Variants in HOMER2 observed in about 807,000 individuals in gnomAD.
HOMER2 encodes the protein homer protein homolog 2.
HOMER2 carries 27 observed loss-of-function variants against 47.0 expected under a neutral mutation model. That is an observed-to-expected ratio of 0.57 (90% CI 0.42 to 0.79). The LOEUF (loss-of-function observed/expected upper bound fraction) is 0.79. Ranked by LOEUF, HOMER2 falls within the 30% of genes least tolerant of loss-of-function variation. The probability of loss-of-function intolerance (pLI) is 0.00; values close to 1 mark genes in which losing one functional copy is unlikely to be tolerated. For synonymous variants in HOMER2, 161 were observed against 163.8 expected (o/e 0.98, Z 0.13); for missense variants, 443 against 435.0 (o/e 1.02, Z -0.16).
intron 1 of HOMER2, among the ~76,000 whole-genome samples, chr15:82,938,544 C>G (rs537237430): frequency 6.6e-6 from 1 of 152,224 alleles, no homozygotes; most frequent in Non-Finnish European, 1.5e-5. Context: ...TCATCCTTCT[C>G]TAAGATATTC....
intron 3 of HOMER2, 26 bp from the exon 4 acceptor site, chr15:82,864,285 G>T (rs1279174126): frequency 3.3e-6 from 5 of 1,527,554 alleles, no homozygotes; most frequent in Admixed American, 1.7e-5. Context: ...AGTTATTAAG[G>T]CTTTTATTAA....
intron 1 of HOMER2, among the ~76,000 whole-genome samples, chr15:82,912,045 GA>G (rs1392553101): frequency 6.6e-6 from 1 of 151,972 alleles, no homozygotes; most frequent in East Asian, 1.9e-4. Context: ...ATAAATAAAT[GA>G]ATTTAAATTT....
chr15:82,924,103 G>T (rs2053799762), intron 1 of HOMER2, among the ~76,000 whole-genome samples: 1 of 152,152 alleles, frequency 6.6e-6, no homozygotes, highest in Non-Finnish European at 1.5e-5. Flanking sequence ...TTTGGGTTTG[G>T]AAAGAAAAGG....
rs1380896753 is a variant in HOMER2 at position 82,859,142 on chromosome 15, A to G, written c.388-7T>C. 1.2e-6 allele frequency: 2 copies of G among 1,613,886 alleles called. No individual in the cohort carries two copies. The highest frequency in any genetic ancestry group is 2.7e-5 in the African/African-American group (2 of 74,926). Reference sequence around the variant, plus strand: ...TCCCGTTGACACTGGATGCCTGAGTAGAAGATGGGGTTTCACGCCCAGATT... The same window carrying G: ...TCCCGTTGACACTGGATGCCTGAGTGGAAGATGGGGTTTCACGCCCAGATT... On this transcript the variant is annotated splice_polypyrimidine_tract_variant and splice_region_variant and intron_variant, in intron 4 of 8. Coordinates refer to ENST00000450735, the MANE Select transcript of HOMER2 (RefSeq NM_004839.4).
downstream of HOMER2, chr15:82,844,449 A>C (rs1443421726): frequency 1.3e-5 from 2 of 152,244 alleles, no homozygotes. Flanking sequence ...ACTGATATAG[A>C]AATCTATTCA....
At chr15:82,834,796 C>T (rs922540110), downstream of HOMER2, 4 of 152,206 alleles carry the variant, frequency 2.6e-5, no homozygotes, top group Non-Finnish European at 5.9e-5. Context: ...CAAAGTCTTC[C>T]GTGTCCGGGT....
intron 1 of HOMER2, among the ~76,000 whole-genome samples, chr15:82,911,282 T>C (rs557275144): frequency 6.6e-6 from 1 of 152,306 alleles, no homozygotes; most frequent in African/African-American, 2.4e-5. Flanking sequence ...TAGGACTTGT[T>C]TTTTTCCTTT....
In HOMER2 at chr15:82,866,022, G is replaced by A. The variant is rs182598656; in HGVS notation, c.295-1763C>T. Among the ~76,000 whole-genome samples the A allele has an allele frequency of 5.4e-3, 827 of 152,306 alleles. 4 individuals are homozygous for A. Among genetic ancestry groups the A allele is most frequent in the Non-Finnish European group, 8.5e-3 (578 of 68,026 alleles). On this transcript the variant is annotated intron_variant, in intron 3 of 8. Coordinates refer to ENST00000450735, the MANE Select transcript of HOMER2 (RefSeq NM_004839.4). ...GCACTGTCTAGTGGAGCTGTGAGAA[G>A]AGGGCCACCATCCTCCAGACCCCAG...
chr15:82,859,669 T>G (rs2051708574), intron 4 of HOMER2, among the ~76,000 whole-genome samples: 1 of 152,220 alleles, frequency 6.6e-6, no homozygotes, highest in African/African-American at 2.4e-5. Context: ...TCCTGTTGTT[T>G]GCCCACTCCC....
intron 1 of HOMER2, among the ~76,000 whole-genome samples, chr15:82,940,942 C>A (rs2054253187): frequency 6.6e-6 from 1 of 152,014 alleles, no homozygotes; most frequent in Non-Finnish European, 1.5e-5. Flanking sequence ...AGTCTGGAAT[C>A]TTCCATATGT....
chr15:82,933,957 G>A (rs1316664733), intron 1 of HOMER2, among the ~76,000 whole-genome samples: 1 of 152,078 alleles, frequency 6.6e-6, no homozygotes, highest in African/African-American at 2.4e-5. Flanking sequence ...AGTTCTCCCT[G>A]CCCTGGATGT....
In HOMER2 at chr15:82,850,017, G is replaced by A. The variant is rs1596298983; in HGVS notation, c.844-114C>T. The A allele has an allele frequency of 8.6e-6, 9 of 1,051,624 alleles. No homozygotes were observed. In the East Asian group the frequency reaches 2.2e-4, roughly 26 times the overall value. 65.1% of individuals were successfully genotyped at this position (1,051,624 alleles called of 1,614,324 possible). A position where few individuals can be genotyped will look rare whatever the true frequency, so the allele number is the denominator to read the frequency against. ...ATCCAATCTGAGGGCCTGGGCCAGG[G>A]CTTAAGCTGCCTAGAGACATGCTAC... On this transcript the variant is annotated intron_variant, in intron 8 of 8. Coordinates refer to ENST00000450735, the MANE Select transcript of HOMER2 (RefSeq NM_004839.4).
At chr15:82,870,078 GA>G (rs1201302966) in intron 3 of HOMER2, among the ~76,000 whole-genome samples, 1 of 152,186 alleles carries the variant, frequency 6.6e-6, no homozygotes, top group Non-Finnish European at 1.5e-5. Flanking sequence ...TATCATGATA[GA>G]AAATGAAACC....
chr15:82,960,716 G>A (rs1041907799), intron 1 of HOMER2, among the ~76,000 whole-genome samples: 1 of 152,088 alleles, frequency 6.6e-6, no homozygotes, highest in Non-Finnish European at 1.5e-5. Context: ...GGTGTGGCTG[G>A]CATGGTTAGC....
chr15:82,852,428 T>C, intron 6 of HOMER2, 176 bp from the exon 7 acceptor site: 1 of 561,346 alleles, frequency 1.8e-6, no homozygotes, highest in South Asian at 2.3e-5. Flanking sequence ...TGGGGCTGCC[T>C]GCACCGCTTG....
chr15:82,839,985 AAAC>A (rs1025894353), exon 2 of HOMER2: 2 of 152,216 alleles, frequency 1.3e-5, no homozygotes. Context: ...AAATGCTAAA[AAAC>A]AACAACAAAA....
intron 1 of HOMER2, among the ~76,000 whole-genome samples, chr15:82,920,371 T>A (rs1361563545): frequency 2.0e-5 from 3 of 152,190 alleles, no homozygotes; most frequent in Non-Finnish European, 4.4e-5. Flanking sequence ...GGGGCTTACA[T>A]GACAGGAATT....
intron 2 of HOMER2, among the ~76,000 whole-genome samples, chr15:82,877,412 C>T (rs1274009424): frequency 2.0e-5 from 3 of 152,084 alleles, no homozygotes; most frequent in Non-Finnish European, 4.4e-5. Flanking sequence ...TCAGGTGATC[C>T]GCCCGCCTTG....
chr15:82,900,609 A>C (rs1432231503), intron 1 of HOMER2, among the ~76,000 whole-genome samples: 5 of 152,218 alleles, frequency 3.3e-5, no homozygotes, highest in Non-Finnish European at 5.9e-5. Flanking sequence ...CTTAGCAAAT[A>C]AGTAGGTAAA....
Sources: gnomAD v4.1 joint callset for allele counts (sites outside exome capture counted in the v4.1 genomes callset) on GRCh38, gnomAD v4.1.1 for gene constraint, MANE v1.5 for transcripts, NCBI Gene and HGNC (gene_info 2026-07-23, HGNC 2026-07-21) for gene names.